Variants in GRIP1 observed in about 807,000 individuals in gnomAD.
GRIP1 encodes glutamate receptor-interacting protein 1.
A neutral mutation model predicts 129.9 loss-of-function variants in GRIP1; 45 were observed. That is an observed-to-expected ratio of 0.35 (90% CI 0.27 to 0.44). The LOEUF is 0.44. GRIP1 is among the 20% of genes least tolerant of loss of function. The pLI is 1.00. For missense variants in GRIP1, 1,196 were observed against 1,396.8 expected, an observed-to-expected ratio of 0.86 and a Z score of 2.29; for synonymous variants, 530 against 520.8, an observed-to-expected ratio of 1.02 and a Z score of -0.24.
At chr12:67,023,160 T>A (rs2042892780) in intron 1 of GRIP1, among the ~76,000 whole-genome samples, 1 of 152,206 alleles carries the variant, frequency 6.6e-6, no homozygotes, top group African/African-American at 2.4e-5. Flanking sequence ...AATTTGTGTG[T>A]GTTTAGATTA....
At chr12:66,456,128 G>A (rs4913434) in intron 10 of GRIP1, 59 bp downstream of exon 10, 274,434 of 1,028,390 alleles carry the variant, frequency 0.27, 38,074 homozygotes, top group Middle Eastern at 0.36. Flanking sequence ...GAGAAAAGGA[G>A]AGTGTGAGAA....
Position 66,759,426 on chromosome 12 carries a change from G to T in GRIP1, c.-420+44627C>A, listed in dbSNP as rs138940574. ...TGTGATGGGAGGAGCTGCCATGAAG[G>T]TCTCTGACATGGCCTGGAGACATCT... On this transcript the variant is annotated intron_variant, in intron 1 of 4. Coordinates refer to the GRIP1 transcript ENST00000538373. Among the ~76,000 whole-genome samples the T allele has an allele frequency of 8.7e-3, 1,320 of 152,254 alleles. 21 individuals are homozygous for T. The highest frequency in any genetic ancestry group is 0.03 in the African/African-American group (1,261 of 41,548).
At chr12:66,526,320 C>T (rs888375960) in intron 5 of GRIP1, among the ~76,000 whole-genome samples, 1 of 152,044 alleles carries the variant, frequency 6.6e-6, no homozygotes, top group African/African-American at 2.4e-5. Flanking sequence ...GGTACTGGTA[C>T]AAAAACACAG....
At chr12:66,902,248 A>T (rs1289731095) in intron 1 of GRIP1, among the ~76,000 whole-genome samples, 2 of 152,132 alleles carry the variant, frequency 1.3e-5, no homozygotes, top group Admixed American at 6.5e-5. Context: ...TCAACAATTC[A>T]CTGTTTTGGA....
At chr12:66,566,328 A>T (rs2062756159) in intron 2 of GRIP1, among the ~76,000 whole-genome samples, 1 of 152,134 alleles carries the variant, frequency 6.6e-6, no homozygotes. Context: ...TTTTAGCATG[A>T]AGGTTGTTGA....
intron 7 of GRIP1, among the ~76,000 whole-genome samples, chr12:66,496,712 G>A (rs1262364400): frequency 6.6e-6 from 1 of 152,112 alleles, no homozygotes; most frequent in African/African-American, 2.4e-5. Flanking sequence ...TCTTGGTATG[G>A]GCCAATGAAT....
chr12:66,471,873 G>A (rs12369857), intron 7 of GRIP1, among the ~76,000 whole-genome samples: 11,174 of 152,276 alleles, frequency 0.073, 522 homozygotes, highest in Non-Finnish European at 0.11. Flanking sequence ...ACGAGATAAT[G>A]TATTGGTCAA....
chr12:66,410,067 G>T (rs967786100), intron 15 of GRIP1, among the ~76,000 whole-genome samples: 1 of 149,730 alleles, frequency 6.7e-6, no homozygotes, highest in Admixed American at 6.7e-5. Flanking sequence ...CGGCTAAAAC[G>T]GTGAAACCCC....
intron 1 of GRIP1, among the ~76,000 whole-genome samples, chr12:66,633,106 G>C (rs2030984309): frequency 6.6e-6 from 1 of 151,538 alleles, no homozygotes; most frequent in African/African-American, 2.4e-5. Flanking sequence ...TTGACCTCCA[G>C]GGCTCAAGTG....
At chr12:66,387,445 C>T (rs1203578610) in intron 19 of GRIP1, among the ~76,000 whole-genome samples, 1 of 152,160 alleles carries the variant, frequency 6.6e-6, no homozygotes, top group Non-Finnish European at 1.5e-5. Context: ...AACAGAGCCT[C>T]TAGCAGCTTC....
Position 66,529,871 on chromosome 12 carries a change from T to G in GRIP1, c.462A>C (p.Thr154=). The change falls in exon 5 of 25, where the codon ACA becomes ACC. Residue 154 remains threonine, a synonymous_variant. Transcript: ENST00000359742. ...CAAAGGTATTGCCTTCTTTATGTAA[T>G]GTGACCTCCACTGTTCGGAAAATAA... ...SSVIFRTVEV[T]LHKEGNTFGF... is the part of the protein sequence containing the mutation. 1 of 1,607,574 alleles carries G rather than the reference T, an allele frequency of 6.2e-7. No homozygotes were observed. The highest frequency in any genetic ancestry group is 8.5e-7 in the Non-Finnish European group (1 of 1,173,968).
intron 23 of GRIP1, among the ~76,000 whole-genome samples, chr12:66,363,462 G>A (rs891043383): frequency 6.8e-6 from 1 of 147,602 alleles, no homozygotes; most frequent in Admixed American, 6.8e-5. Flanking sequence ...TGTTGCCCAT[G>A]CTGGTGTTTA....
rs183331406 is a variant in GRIP1, at chr12:66,362,726, C to T, written c.3012+8968G>A. Among the ~76,000 whole-genome samples the T allele has an allele frequency of 4.9e-4, 75 of 151,948 alleles. 2 individuals are homozygous for T. The highest frequency in any genetic ancestry group is 1.8e-3 in the African/African-American group (73 of 41,246). ...AATCAAACTTAAGGGAAGCTATTAA[C>T]ATTTCTGAAGAGAGGTGGTGGTGGG... is the stretch of plus-strand genomic sequence containing the variant. On this transcript the variant is annotated intron_variant, in intron 23 of 24. Transcript: ENST00000359742.
chr12:66,438,319 G>A (rs1208699633), intron 13 of GRIP1, among the ~76,000 whole-genome samples: 1 of 152,046 alleles, frequency 6.6e-6, no homozygotes, highest in African/African-American at 2.4e-5. Flanking sequence ...AAAAGTCAGA[G>A]GAAACTTGTC....
chr12:66,712,802 G>C (rs1368703533), intron 1 of GRIP1, among the ~76,000 whole-genome samples: 1 of 151,956 alleles, frequency 6.6e-6, no homozygotes, highest in Non-Finnish European at 1.5e-5. Context: ...GAAAGGGCTT[G>C]GCCCAAGGCT....
At chr12:66,822,830 G>A (rs1247984644) in intron 1 of GRIP1, among the ~76,000 whole-genome samples, 13 of 152,172 alleles carry the variant, frequency 8.5e-5, no homozygotes, top group Middle Eastern at 3.4e-3. Flanking sequence ...GGATGGAAAC[G>A]GGGGAGGAGA....
intron 1 of GRIP1, among the ~76,000 whole-genome samples, chr12:66,819,705 T>C (rs1486106169): frequency 1.3e-5 from 2 of 152,188 alleles, no homozygotes; most frequent in Non-Finnish European, 2.9e-5. Context: ...CAGTTCAGCA[T>C]CTAAGGAGCA....
chr12:66,406,705 A>C (rs2057203871), intron 15 of GRIP1, among the ~76,000 whole-genome samples: 1 of 152,212 alleles, frequency 6.6e-6, no homozygotes, highest in Admixed American at 6.5e-5. Context: ...TACAATTCCT[A>C]GGAAGGGAGG....
intron 15 of GRIP1, among the ~76,000 whole-genome samples, chr12:66,410,507 G>A (rs2137712717): frequency 6.6e-6 from 1 of 151,782 alleles, no homozygotes; most frequent in East Asian, 1.9e-4. Flanking sequence ...GCTGGGCATG[G>A]TGGTGTGCAG....
Sources: gnomAD v4.1 joint callset for allele counts (sites outside exome capture counted in the v4.1 genomes callset) on GRCh38, gnomAD v4.1.1 for gene constraint, MANE v1.5 for transcripts, NCBI Gene and HGNC (gene_info 2026-07-23, HGNC 2026-07-21) for gene names.